Variants in LARGE1 observed in about 807,000 individuals in gnomAD.
The protein encoded by LARGE1 is xylosyl- and glucuronyltransferase LARGE1.
Under a neutral mutation model 87.6 loss-of-function variants are expected in LARGE1, and 43 were observed. The observed-to-expected ratio is 0.49, with a 90% CI of 0.38 to 0.63. The LOEUF (loss-of-function observed/expected upper bound fraction) is 0.63, where lower values mean the gene tolerates loss of function less well. Among genes scored for constraint, LARGE1 ranks in the 30% least tolerant of loss-of-function variants. The pLI, the probability that LARGE1 is intolerant of heterozygous loss-of-function variation, is 0.00. For missense variants in LARGE1, 802 were observed against 1,000.2 expected, an observed-to-expected ratio of 0.80 and a Z score of 2.67; for synonymous variants, 434 against 394.6, an observed-to-expected ratio of 1.10 and a Z score of -1.18.
Position 33,485,149 on chromosome 22 carries a change from G to T in LARGE1, c.788-52884C>A, listed in dbSNP as rs62225318. ...GCTAGTCTCGAACTCCTTAGCTCAG[G>T]CAATGTGCCTGCCTTGGCCTCCCAA... On this transcript the variant is annotated intron_variant, in intron 6 of 14. Transcript: ENST00000397394. Among the ~76,000 whole-genome samples, 1,180 of 151,680 alleles carry T rather than the reference G, an allele frequency of 7.8e-3. 5 individuals are homozygous for T. The highest frequency in any genetic ancestry group is 0.035 in the Middle Eastern group (10 of 288).
intron 1 of LARGE1, among the ~76,000 whole-genome samples, chr22:33,771,641 C>T (rs1449450575): frequency 6.6e-6 from 1 of 152,174 alleles, no homozygotes; most frequent in South Asian, 2.1e-4. Flanking sequence ...AAACAATCTC[C>T]CGGCTGATGA....
rs544709442 is a variant in LARGE1 at position 33,758,553 on chromosome 22, C to T, written c.106+2818G>A. Among the ~76,000 whole-genome samples, 6 of 152,316 alleles carry T rather than the reference C, an allele frequency of 3.9e-5. No individual in the cohort carries two copies. The East Asian group carries it at 9.6e-4, about 24-fold the overall frequency. The stretch of plus-strand genomic sequence containing the variant: ...TTCTAAAGGATCATGTTGATAGATA[C>T]AGCACCTACACCCAGTCTGTCATGT... On this transcript the variant is annotated intron_variant, in intron 2 of 14. Coordinates refer to ENST00000397394, the MANE Select transcript of LARGE1 (RefSeq NM_133642.5).
intron 1 of LARGE1, among the ~76,000 whole-genome samples, chr22:33,895,019 C>T (rs577113863): frequency 6.6e-6 from 1 of 152,150 alleles, no homozygotes; most frequent in South Asian, 2.1e-4. Context: ...AATCTGATCA[C>T]CGATCACCTG....
chr22:33,552,558 CCT>C (rs2077561563), intron 6 of LARGE1, among the ~76,000 whole-genome samples: 2 of 152,234 alleles, frequency 1.3e-5, no homozygotes, highest in Non-Finnish European at 2.9e-5. Flanking sequence ...ACCCCCAAAT[CCT>C]CTCTTTGACT....
chr22:33,296,222 G>A (rs896362919), intron 12 of LARGE1, among the ~76,000 whole-genome samples: 3 of 152,202 alleles, frequency 2.0e-5, no homozygotes, highest in Admixed American at 1.3e-4. Context: ...GCAGCTGTGC[G>A]GCAGACTGCC....
At chr22:33,454,087 G>A (rs1243591965) in intron 6 of LARGE1, among the ~76,000 whole-genome samples, 3 of 152,106 alleles carry the variant, frequency 2.0e-5, no homozygotes, top group African/African-American at 7.2e-5. Flanking sequence ...AACATATGAG[G>A]TCTCTGAGTT....
chr22:33,332,615 A>G (rs1368843188), intron 10 of LARGE1, among the ~76,000 whole-genome samples: 1 of 152,154 alleles, frequency 6.6e-6, no homozygotes, highest in Non-Finnish European at 1.5e-5. Flanking sequence ...TGCACTTATC[A>G]CAGCTCTAAT....
In LARGE1 at chr22:33,915,042, C is replaced by CACACAGAGAG. The variant is rs144076486; in HGVS notation, c.-83+4952_-83+4953insCTCTCTGTGT. ...ACACACACACACACACACACACACACAGAGAGAGAGAGAGAGAGAGAGGCT... is the reference window on the plus strand; with the variant it reads ...ACACACACACACACACACACACACACACACAGAGAGAGAGAGAGAGAGAGAGAGAGAGGCT... On this transcript the variant is annotated intron_variant, in intron 1 of 14. Transcript: ENST00000397394. Among the ~76,000 whole-genome samples, 1,057 of 137,062 alleles carry CACACAGAGAG rather than the reference C, an allele frequency of 7.7e-3. 5 individuals are homozygous for CACACAGAGAG. The highest frequency in any genetic ancestry group is 0.022 in the Middle Eastern group (6 of 278). The allele number at this position is 137,062 out of a possible 152,430, so 89.9% of individuals were successfully genotyped here.
In LARGE1 at chr22:33,476,699, C is replaced by T. The variant is rs184170858; in HGVS notation, c.788-44434G>A. On this transcript the variant is annotated intron_variant, in intron 6 of 14. Coordinates refer to ENST00000397394, the MANE Select transcript of LARGE1 (RefSeq NM_133642.5). The stretch of plus-strand genomic sequence containing the variant: ...GGTTCTCTTCCCTATCCCACTGCAC[C>T]CCGCCCCCCAGCCCAAAGAATACTA... 3.3e-3 allele frequency among the ~76,000 whole-genome samples: 488 copies of T among 148,076 alleles called. 3 individuals are homozygous for T. The highest frequency in any genetic ancestry group is 0.022 in the South Asian group (104 of 4,680).
chr22:33,701,136 C>G lies in LARGE1; in HGVS notation c.107-50468G>C, dbSNP rs529771827. Among the ~76,000 whole-genome samples, 23 of 152,082 alleles carry G rather than the reference C, an allele frequency of 1.5e-4. 2 individuals are homozygous for G. The highest frequency in any genetic ancestry group is 3.1e-4 in the African/African-American group (13 of 41,472). On this transcript the variant is annotated intron_variant, in intron 2 of 14. Transcript: ENST00000397394. The stretch of plus-strand genomic sequence containing the variant: ...GTACCTGGATCACACTCGGAGTGGT[C>G]ACGGCCTGGAGGGGAACGCAGGTGC...
intron 1 of LARGE1, chr22:33,873,474 C>CAGGA (rs1569003746): frequency 6.6e-6 from 1 of 152,286 alleles, no homozygotes; most frequent in Non-Finnish European, 1.5e-5. Flanking sequence ...TGGGGCCTTC[C>CAGGA]GGGAAGCTGA....
Position 33,676,372 on chromosome 22 carries a change from C to CAAAAAAAAAAAAAAA in LARGE1, c.107-25719_107-25705dup, listed in dbSNP as rs10567981. On this transcript the variant is annotated intron_variant, in intron 2 of 14. Coordinates refer to ENST00000397394, the MANE Select transcript of LARGE1 (RefSeq NM_133642.5). Reference sequence around the variant, plus strand: ...ACATCATATGTTACAGATTCAATGGCAAAAAAAAAAAAAAAAAAAAAAAAA... The same window carrying CAAAAAAAAAAAAAAA: ...ACATCATATGTTACAGATTCAATGGCAAAAAAAAAAAAAAAAAAAAAAAAAAAAAAAAAAAAAAAA... Among the ~76,000 whole-genome samples, 4 of 16,304 alleles carry CAAAAAAAAAAAAAAA rather than the reference C, an allele frequency of 2.5e-4. 1 individual carries two copies. Among genetic ancestry groups the CAAAAAAAAAAAAAAA allele is most frequent in the Non-Finnish European group, 5.6e-4 (4 of 7,192 alleles). 10.7% of individuals were successfully genotyped at this position (16,304 alleles called of 152,430 possible).
intron 6 of LARGE1, among the ~76,000 whole-genome samples, chr22:33,520,687 T>C (rs2071537543): frequency 6.6e-6 from 1 of 152,242 alleles, no homozygotes. Flanking sequence ...CTTTCTGTCC[T>C]GGTTTTAGTA....
At chr22:33,358,639 T>C (rs1255329074) in intron 9 of LARGE1, among the ~76,000 whole-genome samples, 1 of 152,188 alleles carries the variant, frequency 6.6e-6, no homozygotes, top group Non-Finnish European at 1.5e-5. Context: ...CTTTTAGGTG[T>C]ACTCAATTAC....
rs543281103 is a variant in LARGE1 at position 33,344,607 on chromosome 22, A to C, written c.1132-6806T>G. Among the ~76,000 whole-genome samples, 42 of 151,996 alleles carry C rather than the reference A, an allele frequency of 2.8e-4. 1 individual carries two copies. Among genetic ancestry groups the C allele is most frequent in the African/African-American group, 9.9e-4 (41 of 41,444 alleles). ...CTCTTTCCACTAAACCACATCTCTC[A>C]CTCTGAAAATCTGACTCAGGATCTG... On this transcript the variant is annotated intron_variant, in intron 9 of 14. Transcript: ENST00000397394.
intron 2 of LARGE1, among the ~76,000 whole-genome samples, chr22:33,660,837 G>T (rs2081101130): frequency 6.6e-6 from 1 of 152,150 alleles, no homozygotes; most frequent in Non-Finnish European, 1.5e-5. Flanking sequence ...CAAGATGAAA[G>T]ATTTCATAAG....
intron 6 of LARGE1, among the ~76,000 whole-genome samples, chr22:33,555,930 CAAA>C (rs34477059): frequency 8.0e-6 from 1 of 124,336 alleles, no homozygotes; most frequent in Non-Finnish European, 1.7e-5. Context: ...GACTCCATCT[CAAA>C]AAAAAAAAAA....
chr22:33,381,505 C>G (rs910886505), intron 9 of LARGE1, among the ~76,000 whole-genome samples: 1 of 152,176 alleles, frequency 6.6e-6, no homozygotes, highest in Non-Finnish European at 1.5e-5. Flanking sequence ...ATACTTACTT[C>G]TTTGCACATT....
chr22:33,184,098 A>ATATATATATATATATATC (rs1555880733), intron 11 of LARGE1, among the ~76,000 whole-genome samples: 1 of 146,640 alleles, frequency 6.8e-6, no homozygotes, highest in African/African-American at 2.5e-5. Context: ...CTATATATAT[A>ATATATATATATATATATC]TATATCATAT....
Sources: allele counts gnomAD v4.1 joint callset (sites outside exome capture counted in the v4.1 genomes callset), GRCh38; gene constraint gnomAD v4.1.1; transcripts MANE v1.5; gene names NCBI Gene and HGNC (gene_info 2026-07-23, HGNC 2026-07-21).